RIPOR2: variants seen among roughly 807,000 people sequenced by gnomAD.
RIPOR2 encodes the protein RHO family interacting cell polarization regulator 2, also known as rho family-interacting cell polarization regulator 2.
Under a neutral mutation model 114.5 loss-of-function variants are expected in RIPOR2, and 39 were observed. The observed-to-expected ratio is 0.34, with a 90% CI of 0.26 to 0.44. The LOEUF is 0.44. Ranked by LOEUF, RIPOR2 falls within the 20% of genes least tolerant of loss-of-function variation. The probability of loss-of-function intolerance (pLI) is 1.00; values close to 1 mark genes in which losing one functional copy is unlikely to be tolerated. For missense variants in RIPOR2, 1,007 were observed against 1,255.1 expected (o/e 0.80, Z 2.99); for synonymous variants, 445 against 484.4 (o/e 0.92, Z 1.07).
At chr6:24,873,522 G>T in intron 3 of RIPOR2, 122 bp downstream of exon 3, 1 of 844,980 alleles carries the variant, frequency 1.2e-6, no homozygotes, top group Non-Finnish European at 1.9e-6. Context: ...TTCCCTAATT[G>T]TGGTACAAGA....
chr6:25,021,819 T>A (rs975198195), intron 1 of RIPOR2, among the ~76,000 whole-genome samples: 2 of 152,168 alleles, frequency 1.3e-5, no homozygotes, highest in African/African-American at 4.8e-5. Context: ...GAAATTAAAT[T>A]TGTGGCAAAT....
intron 1 of RIPOR2, among the ~76,000 whole-genome samples, chr6:24,884,140 G>A (rs1029441334): frequency 2.0e-5 from 3 of 152,178 alleles, no homozygotes; most frequent in African/African-American, 7.2e-5. Flanking sequence ...CCGGCACGGT[G>A]GCTCACGCCT....
intron 1 of RIPOR2, among the ~76,000 whole-genome samples, chr6:25,007,182 T>G (rs906399930): frequency 4.6e-5 from 7 of 152,218 alleles, no homozygotes; most frequent in Non-Finnish European, 8.8e-5. Context: ...TCTTAATATC[T>G]TCAATAGATA....
chr6:25,033,667 C>T (rs1004233677), intron 1 of RIPOR2, among the ~76,000 whole-genome samples: 12 of 152,086 alleles, frequency 7.9e-5, no homozygotes, highest in African/African-American at 2.7e-4. Flanking sequence ...TTTTTGTCTT[C>T]ACTCATTTTA....
chr6:25,005,056 AC>A (rs1775492992), intron 1 of RIPOR2, among the ~76,000 whole-genome samples: 1 of 151,182 alleles, frequency 6.6e-6, no homozygotes, highest in Non-Finnish European at 1.5e-5. Flanking sequence ...CCATTCTATT[AC>A]CCCCAACATC....
At chr6:24,846,498 G>T (rs931772970) in intron 12 of RIPOR2, among the ~76,000 whole-genome samples, 2 of 151,840 alleles carry the variant, frequency 1.3e-5, no homozygotes, top group African/African-American at 2.4e-5. Flanking sequence ...TAGAGACGGG[G>T]TCTCACTTTG....
At chr6:24,877,120 A>G (rs1480045355) in intron 1 of RIPOR2, 25 of 985,368 alleles carry the variant, frequency 2.5e-5, no homozygotes, top group Non-Finnish European at 2.8e-5. Flanking sequence ...AAAGCTAAAA[A>G]AAACAACAGC....
At chr6:24,810,977 G>A (rs531422874) in intron 20 of RIPOR2, among the ~76,000 whole-genome samples, 1 of 148,802 alleles carries the variant, frequency 6.7e-6, no homozygotes, top group East Asian at 2.0e-4. Context: ...GCTAATTTTT[G>A]TGTTTTCAGT....
Position 24,843,163 on chromosome 6 carries a change from G to T in RIPOR2, c.1556C>A (p.Ala519Glu). The change falls in exon 13 of 22, where the codon GCA (alanine) becomes GAA (glutamate). Residue 519 changes from alanine (A) to glutamate (E), a missense_variant. By Grantham distance (107) the Ala-to-Glu change is moderately radical. Coordinates refer to ENST00000643898, the MANE Select transcript of RIPOR2 (RefSeq NM_001286445.3). ...GGCCTCCTCAGACTCTTGCAGAAGTGCTTCTGCAACATCATTCTCAAGGAA... is the reference window on the plus strand; with the variant it reads ...GGCCTCCTCAGACTCTTGCAGAAGTTCTTCTGCAACATCATTCTCAAGGAA... ...HLFLENDVAE[A>E]LLQESEEASE... is the part of the protein sequence containing the mutation. 1 of 1,613,942 alleles carries T rather than the reference G, an allele frequency of 6.2e-7. No homozygotes were observed.
At chr6:25,040,878 A>G (rs565667557) in intron 1 of RIPOR2, among the ~76,000 whole-genome samples, 2 of 152,304 alleles carry the variant, frequency 1.3e-5, no homozygotes, top group East Asian at 1.9e-4. Context: ...GGCATGAGCT[A>G]CCGCATCTGC....
At chr6:24,935,366 C>CAGAG (rs112681010) in intron 1 of RIPOR2, among the ~76,000 whole-genome samples, 7 of 141,860 alleles carry the variant, frequency 4.9e-5, no homozygotes, top group African/African-American at 1.0e-4. Flanking sequence ...GAAAGATAGA[C>CAGAG]AGAGAGAGAG....
chr6:24,943,478 AC>A (rs1772246202), intron 1 of RIPOR2, among the ~76,000 whole-genome samples: 1 of 147,238 alleles, frequency 6.8e-6, no homozygotes, highest in South Asian at 2.2e-4. Context: ...GTACCCTAAA[AC>A]TTAAAGTATA....
chr6:24,838,156 T>C lies in RIPOR2; in HGVS notation c.2039+935A>G, dbSNP rs144543139. Among the ~76,000 whole-genome samples the C allele has an allele frequency of 3.5e-3, 529 of 152,314 alleles. 4 individuals carry two copies. The highest frequency in any genetic ancestry group is 8.3e-3 in the African/African-American group (343 of 41,570). Reference sequence around the variant, plus strand: ...CAATGTTTCACCTTCATCTGTTGCTTCCAGAGAAGGTCACATTCTCCACCT... The same window carrying C: ...CAATGTTTCACCTTCATCTGTTGCTCCCAGAGAAGGTCACATTCTCCACCT... On this transcript the variant is annotated intron_variant, in intron 14 of 21. Coordinates refer to ENST00000643898, the MANE Select transcript of RIPOR2 (RefSeq NM_001286445.3).
At chr6:24,960,858 C>T (rs565849764) in intron 1 of RIPOR2, among the ~76,000 whole-genome samples, 47 of 152,194 alleles carry the variant, frequency 3.1e-4, no homozygotes, top group Non-Finnish European at 5.9e-4. Flanking sequence ...AGGACACAAA[C>T]CTTCCAACCA....
chr6:25,027,629 C>G (rs1451428821), intron 1 of RIPOR2, among the ~76,000 whole-genome samples: 1 of 152,250 alleles, frequency 6.6e-6, no homozygotes, highest in Non-Finnish European at 1.5e-5. Flanking sequence ...AGCATGGGAA[C>G]AGCCTTGGGC....
chr6:24,830,692 C>T, intron 16 of RIPOR2, 22 bp from the exon 17 acceptor site: 1 of 1,540,758 alleles, frequency 6.5e-7, no homozygotes, highest in Non-Finnish European at 8.7e-7. Context: ...GAGCAACCCC[C>T]CATCTCGTAA....
intron 7 of RIPOR2, 140 bp from the exon 8 acceptor site, chr6:24,861,176 G>A (rs1764036745): frequency 1.7e-6 from 1 of 583,236 alleles, no homozygotes; most frequent in East Asian, 3.0e-5. Context: ...CACAGCCTAA[G>A]AAACATTCTT....
intron 1 of RIPOR2, among the ~76,000 whole-genome samples, chr6:24,925,518 A>G (rs1020156788): frequency 6.6e-6 from 1 of 152,158 alleles, no homozygotes; most frequent in Non-Finnish European, 1.5e-5. Flanking sequence ...CCTGGCTAAC[A>G]TGGTGAAACC....
chr6:25,002,737 G>T (rs533447523), intron 1 of RIPOR2, among the ~76,000 whole-genome samples: 5 of 152,200 alleles, frequency 3.3e-5, no homozygotes, highest in Non-Finnish European at 7.3e-5. Flanking sequence ...GCTCCACCTG[G>T]CACGGTGTCA....
Sources: allele counts gnomAD v4.1 joint callset (sites outside exome capture counted in the v4.1 genomes callset), GRCh38; gene constraint gnomAD v4.1.1; transcripts MANE v1.5; gene names NCBI Gene and HGNC (gene_info 2026-07-23, HGNC 2026-07-21).